Variants in OR51E2 observed in about 807,000 individuals in gnomAD.
The protein encoded by OR51E2 is olfactory receptor 51E2.
Under a neutral mutation model 13.7 loss-of-function variants are expected in OR51E2, and 14 were observed. That is an observed-to-expected ratio of 1.02 (90% CI 0.68 to 1.60). OR51E2 has a LOEUF of 1.60. Ranked by LOEUF, OR51E2 falls within the 40% of genes most tolerant of loss-of-function variation. OR51E2 has a pLI of 0.00. For missense variants in OR51E2, 483 were observed against 413.8 expected (o/e 1.17, Z -1.45); for synonymous variants, 180 against 157.6 (o/e 1.14, Z -1.07).
intron 1 of OR51E2, among the ~76,000 whole-genome samples, chr11:4,692,946 T>C (rs1847604983): frequency 6.6e-6 from 1 of 151,988 alleles, no homozygotes; most frequent in Admixed American, 6.5e-5. Context: ...TTTGGCCAAA[T>C]AATGAAACTA....
Position 4,681,593 on chromosome 11 carries a change from C to CTTT in OR51E2, c.*155_*156insAAA. 1.4e-6 allele frequency: 1 copy of CTTT among 723,388 alleles called. No homozygotes were observed. Among genetic ancestry groups the CTTT allele is most frequent in the East Asian group, 2.7e-5 (1 of 37,424 alleles). 44.8% of individuals were successfully genotyped at this position (723,388 alleles called of 1,614,324 possible). On this transcript the variant is annotated 3_prime_UTR_variant, in exon 2 of 2. Transcript: ENST00000396950. ...TACTTCATTAGTATGTATTATTCCA[C>CTTT]ATAATAGTCCTTTAGGTAGATGTAC...
Position 4,682,686 on chromosome 11 carries a change from G to C in OR51E2, c.26C>G (p.Ala9Gly), listed in dbSNP as rs1266567319. Residue 9 changes from alanine to glycine, a missense_variant, in exon 2 of 2, where the codon GCC (alanine) becomes GGC (glycine). Physicochemically the swap from Ala to Gly is moderately conservative, Grantham distance 60. Transcript: ENST00000396950. ...TGGGATACCAATAAGCACAAAGGTG[G>C]CATGTGTGAAGTTGCAGGAACTCAT... MSSCNFTHATFVLIGIPGL... is the reference protein window; with the variant it reads MSSCNFTHGTFVLIGIPGL... 1 of 1,613,970 alleles carries C rather than the reference G, an allele frequency of 6.2e-7. No individual in the cohort carries two copies. Among genetic ancestry groups the C allele is most frequent in the Non-Finnish European group, 8.5e-7 (1 of 1,179,840 alleles).
chr11:4,680,507 T>A lies in OR51E2; in HGVS notation c.*1242A>T, dbSNP rs185905792. The stretch of plus-strand genomic sequence containing the variant: ...AGCTGAGGAAATAAATGGCAGATGT[T>A]ACACAGGAAGCAATATAACATGGTC... On this transcript the variant is annotated 3_prime_UTR_variant, in exon 2 of 2. Coordinates refer to ENST00000396950, the MANE Select transcript of OR51E2 (RefSeq NM_030774.4). The A allele has an allele frequency of 2.0e-5, 3 of 152,776 alleles. No homozygotes were observed. Among genetic ancestry groups the A allele is most frequent in the Admixed American group, 6.5e-5 (1 of 15,306 alleles). 9.5% of individuals were successfully genotyped at this position (152,776 alleles called of 1,614,324 possible). A position where few individuals can be genotyped will look rare whatever the true frequency, so the allele number is the denominator to read the frequency against.
intron 1 of OR51E2, chr11:4,690,695 T>C (rs1847566500): frequency 3.1e-6 from 1 of 327,352 alleles, no homozygotes; most frequent in Non-Finnish European, 6.0e-6. Flanking sequence ...TTGTTTTTAA[T>C]TGGAAACATG....
chr11:4,695,054 T>A (rs1189220498), intron 1 of OR51E2, among the ~76,000 whole-genome samples: 1 of 152,132 alleles, frequency 6.6e-6, no homozygotes, highest in Non-Finnish European at 1.5e-5. Context: ...ATCGAAGTCT[T>A]AAATGTGAGG....
At chr11:4,687,391 G>C (rs1433887647) in intron 1 of OR51E2, among the ~76,000 whole-genome samples, 1 of 152,096 alleles carries the variant, frequency 6.6e-6, no homozygotes, top group East Asian at 1.9e-4. Context: ...TTGGGAAGTG[G>C]AAATAAAGCT....
In OR51E2 at chr11:4,694,759, G is replaced by A. The variant is rs183692063; in HGVS notation, c.-51+2894C>T. On this transcript the variant is annotated intron_variant, in intron 1 of 1. Transcript: ENST00000396950. ...ACTAGTTGTAGAGTGTATAAGGATA[G>A]GATGTATCTAATTGATAAGGCAGAA... Among the ~76,000 whole-genome samples, 839 of 152,212 alleles carry A rather than the reference G, an allele frequency of 5.5e-3. 2 individuals carry two copies. The highest frequency in any genetic ancestry group is 8.5e-3 in the Non-Finnish European group (576 of 68,002).
At position 4,680,926 on chromosome 11, in the gene OR51E2, T is replaced by G. The variant is rs1040056621; in HGVS notation, c.*823A>C. 14 of 152,182 alleles carry G rather than the reference T, an allele frequency of 9.2e-5. No individual in the cohort carries two copies. Among genetic ancestry groups the G allele is most frequent in the African/African-American group, 3.4e-4 (14 of 41,436 alleles). 9.4% of individuals were successfully genotyped at this position (152,182 alleles called of 1,614,324 possible). ...TCTTGCTCTGTTGCCCAGGCTGGAG[T>G]GTAGTGGTACGATCGTGGATCACTG... On this transcript the variant is annotated 3_prime_UTR_variant, in exon 2 of 2. Coordinates refer to ENST00000396950, the MANE Select transcript of OR51E2 (RefSeq NM_030774.4).
At chr11:4,690,020 TAA>T (rs1236691237) in intron 1 of OR51E2, among the ~76,000 whole-genome samples, 2 of 147,878 alleles carry the variant, frequency 1.4e-5, no homozygotes, top group Admixed American at 1.4e-4. Flanking sequence ...TTTATAAATA[TAA>T]GTTTATATAT....
At chr11:4,684,778 G>A (rs534261753) in intron 1 of OR51E2, among the ~76,000 whole-genome samples, 8 of 152,068 alleles carry the variant, frequency 5.3e-5, no homozygotes, top group African/African-American at 9.7e-5. Context: ...AAGACCTCAC[G>A]TCACCTTCCC....
intron 1 of OR51E2, among the ~76,000 whole-genome samples, chr11:4,689,566 G>A (rs1847553531): frequency 6.6e-6 from 1 of 152,116 alleles, no homozygotes; most frequent in Admixed American, 6.6e-5. Context: ...TCTTAAATTA[G>A]TGATATTAGT....
At chr11:4,683,314 A>G (rs1167047382) in intron 1 of OR51E2, among the ~76,000 whole-genome samples, 1 of 152,232 alleles carries the variant, frequency 6.6e-6, no homozygotes, top group East Asian at 1.9e-4. Context: ...CAGTGAGGAT[A>G]GGAGATAACT....
rs748886918 is a variant in OR51E2 at position 4,681,757 on chromosome 11, C to T, written c.955G>A (p.Gly319Ser). ...SCDKDLQAVGGK is the reference protein window; with the variant it reads ...SCDKDLQAVGSK ...AAGTGTAGTGTTAAGGGTCACTTGC[C>T]TCCCACAGCCTGCAAGTCCTTGTCA... is the stretch of plus-strand genomic sequence containing the variant. Residue 319 changes from glycine to serine, a missense_variant, in exon 2 of 2, where the codon GGC becomes AGC. Physicochemically the swap from Gly to Ser is moderately conservative, Grantham distance 56 (BLOSUM62 0). Transcript: ENST00000396950. 5.3e-5 allele frequency: 85 copies of T among 1,613,694 alleles called. No homozygotes were observed. Among genetic ancestry groups the T allele is most frequent in the Non-Finnish European group, 7.1e-5 (84 of 1,179,724 alleles).
intron 1 of OR51E2, among the ~76,000 whole-genome samples, chr11:4,693,435 G>A (rs2133252474): frequency 6.6e-6 from 1 of 152,268 alleles, no homozygotes; most frequent in Middle Eastern, 3.4e-3. Context: ...TAAAAGTGTT[G>A]AGCAGGCTGG....
At chr11:4,693,108 T>C (rs1479170660) in intron 1 of OR51E2, among the ~76,000 whole-genome samples, 1 of 152,172 alleles carries the variant, frequency 6.6e-6, no homozygotes, top group African/African-American at 2.4e-5. Context: ...ATTTTAAATG[T>C]TCACAGCACA....
intron 1 of OR51E2, among the ~76,000 whole-genome samples, chr11:4,689,987 A>C (rs1847558130): frequency 6.8e-6 from 1 of 147,972 alleles, no homozygotes. Flanking sequence ...ATATAAATAT[A>C]ATTTACACAT....
chr11:4,684,102 A>C (rs76164054), intron 1 of OR51E2, among the ~76,000 whole-genome samples: 10,324 of 152,290 alleles, frequency 0.068, 436 homozygotes, highest in Non-Finnish European at 0.099. Context: ...AATTAGTACA[A>C]AGAGATTTGA....
chr11:4,693,617 A>G (rs1049262412), intron 1 of OR51E2, among the ~76,000 whole-genome samples: 1 of 152,086 alleles, frequency 6.6e-6, no homozygotes, highest in Non-Finnish European at 1.5e-5. Context: ...GCTACTGGGG[A>G]GGCTGAGGCA....
intron 1 of OR51E2, chr11:4,691,638 A>G (rs1418400710): frequency 2.3e-6 from 1 of 438,150 alleles, no homozygotes; most frequent in East Asian, 7.0e-5. Flanking sequence ...GAAGGCTTCC[A>G]GCCCAGGAAC....
Sources: allele counts gnomAD v4.1 joint callset (sites outside exome capture counted in the v4.1 genomes callset), GRCh38; gene constraint gnomAD v4.1.1; transcripts MANE v1.5; gene names NCBI Gene and HGNC (gene_info 2026-07-23, HGNC 2026-07-21).